The following AKT1 variants were observed in gnomAD, a reference collection of about 807,000 sequenced individuals.
The protein encoded by AKT1 is RAC-alpha serine/threonine-protein kinase.
A neutral mutation model predicts 63.1 loss-of-function variants in AKT1; 21 were observed. The ratio of observed to expected loss-of-function variants is 0.33; its 90% CI spans 0.24 to 0.48. The LOEUF (loss-of-function observed/expected upper bound fraction) is 0.48. Among genes scored for constraint, AKT1 ranks in the 20% least tolerant of loss-of-function variants. The pLI, the probability that AKT1 is intolerant of heterozygous loss-of-function variation, is 0.99. For synonymous variants in AKT1, 257 were observed against 253.1 expected (o/e 1.02, Z -0.15); for missense variants, 382 against 666.0 (o/e 0.57, Z 4.69).
In AKT1 at chr14:104,788,899, G is replaced by A. The variant is rs147419902; in HGVS notation, c.46+3699C>T. 5.2e-3 allele frequency among the ~76,000 whole-genome samples: 796 copies of A among 152,298 alleles called. 1 individual carries two copies. The highest frequency in any genetic ancestry group is 0.024 in the Middle Eastern group (7 of 294). Reference sequence around the variant, plus strand: ...GGGCATGGCAAGGACTCAGATGTCCGGAGACTGGACCCTCCGTGAGCCGCA... The same window carrying A: ...GGGCATGGCAAGGACTCAGATGTCCAGAGACTGGACCCTCCGTGAGCCGCA... On this transcript the variant is annotated intron_variant, in intron 3 of 14. Coordinates refer to ENST00000649815, the MANE Select transcript of AKT1 (RefSeq NM_001382430.1).
At position 104,773,388 on chromosome 14, in the gene AKT1, A is replaced by T. The variant is rs1892508128; in HGVS notation, c.829-9T>A. ...AGCATGAGGTTCTCCAGCTAGGGGA[A>T]AGGTGGCCTCAGGTCAGTGCCGCCA... On this transcript the variant is annotated splice_polypyrimidine_tract_variant and intron_variant, in intron 10 of 14. Transcript: ENST00000649815. 1.2e-6 allele frequency: 2 copies of T among 1,614,134 alleles called. No individual in the cohort carries two copies.
intron 3 of AKT1, among the ~76,000 whole-genome samples, chr14:104,781,987 G>T (rs979150705): frequency 1.3e-5 from 2 of 152,312 alleles, no homozygotes; most frequent in African/African-American, 4.8e-5. Context: ...CCACCCTTGG[G>T]TGCCGGCTCC....
At chr14:104,775,510 G>A (rs532397613) in intron 6 of AKT1, 142 bp downstream of exon 6, 59 of 1,239,552 alleles carry the variant, frequency 4.8e-5, no homozygotes, top group South Asian at 4.4e-4. Context: ...AAGCAGCTGC[G>A]CCCTACATGG....
At chr14:104,787,107 G>A (rs1164934094) in intron 3 of AKT1, among the ~76,000 whole-genome samples, 1 of 152,104 alleles carries the variant, frequency 6.6e-6, no homozygotes. Context: ...CCACCCCAAA[G>A]CCCGCAACAT....
intron 3 of AKT1, among the ~76,000 whole-genome samples, chr14:104,788,471 G>C (rs1479288589): frequency 6.6e-6 from 1 of 152,192 alleles, no homozygotes; most frequent in Non-Finnish European, 1.5e-5. Flanking sequence ...CTCTTCTCAA[G>C]GGTGTTTACT....
At position 104,795,152 on chromosome 14, in the gene AKT1, C is replaced by G. The variant is rs1378346344; in HGVS notation, c.-258+332G>C. ...CCAGCGCCCGGGGAGCCCCACGGCC[C>G]GCAGGGGCACCCCGAGCCCCAGCTC... On this transcript the variant is annotated intron_variant, in intron 1 of 14. Coordinates refer to ENST00000649815, the MANE Select transcript of AKT1 (RefSeq NM_001382430.1). This position sits in a 1 kb window ranked among gnomAD's most constrained non-coding sequence, Gnocchi z 5.1. 6.6e-6 allele frequency: 1 copy of G among 152,094 alleles called. No individual in the cohort carries two copies. Among genetic ancestry groups the G allele is most frequent in the Non-Finnish European group, 1.5e-5 (1 of 67,998 alleles). The allele number at this position is 152,094 out of a possible 1,614,324, so 9.4% of individuals were successfully genotyped here.
chr14:104,777,320 C>A (rs377254104), intron 4 of AKT1: 1 of 153,260 alleles, frequency 6.5e-6, no homozygotes, highest in Non-Finnish European at 1.2e-5. Flanking sequence ...TGGGGCACAG[C>A]CACACCTGGG....
intron 4 of AKT1, chr14:104,777,889 T>A: frequency 5.7e-6 from 1 of 176,306 alleles, no homozygotes; most frequent in Non-Finnish European, 1.1e-5. Flanking sequence ...TGGAAACCGG[T>A]GTGAAGCCCC....
At position 104,795,333 on chromosome 14, in the gene AKT1, C is replaced by G. The variant is rs1394843048; in HGVS notation, c.-258+151G>C. On this transcript the variant is annotated intron_variant, in intron 1 of 14. Transcript: ENST00000649815. The surrounding 1 kb of genome is among the most constrained non-coding windows in gnomAD (Gnocchi z 5.1). ...CGGGCCCGCGCGCCCCGCGCCCTCC[C>G]CGCCCAGGCCCGCTCGGCCACTTCC... 1.3e-5 allele frequency among the ~76,000 whole-genome samples: 2 copies of G among 149,690 alleles called. No homozygotes were observed. Among genetic ancestry groups the G allele is most frequent in the African/African-American group, 4.9e-5 (2 of 41,136 alleles).
At position 104,775,298 on chromosome 14, in the gene AKT1, G is replaced by A. The variant is rs376999155; in HGVS notation, c.436-91C>T. The A allele has an allele frequency of 3.1e-5, 49 of 1,582,386 alleles. No homozygotes were observed. In the Admixed American group the frequency reaches 3.6e-4, roughly 12 times the overall value. On this transcript the variant is annotated intron_variant, in intron 6 of 14. Coordinates refer to ENST00000649815, the MANE Select transcript of AKT1 (RefSeq NM_001382430.1). ...GGGTGGCATGAGGGGCCCCAGAGTCGGAGGCAGAGCCAGGAGAGGCGTCCA... is the reference window on the plus strand; with the variant it reads ...GGGTGGCATGAGGGGCCCCAGAGTCAGAGGCAGAGCCAGGAGAGGCGTCCA...
At position 104,789,089 on chromosome 14, in the gene AKT1, C is replaced by G. The variant is rs61759767; in HGVS notation, c.46+3509G>C. Among the ~76,000 whole-genome samples, 352 of 152,344 alleles carry G rather than the reference C, an allele frequency of 2.3e-3. 1 individual carries two copies. The highest frequency in any genetic ancestry group is 8.1e-3 in the African/African-American group (336 of 41,580). ...CTTGGCCTGCTGGGTCACAGCCTGC[C>G]GAAGGCAGCCAGGCCTGCAGCTCTT... On this transcript the variant is annotated intron_variant, in intron 3 of 14. Coordinates refer to ENST00000649815, the MANE Select transcript of AKT1 (RefSeq NM_001382430.1).
Position 104,775,636 on chromosome 14 carries a change from T to C in AKT1, c.435+16A>G, listed in dbSNP as rs751737147. The C allele has an allele frequency of 1.9e-6, 3 of 1,612,676 alleles. No homozygotes were observed. Among genetic ancestry groups the C allele is most frequent in the Non-Finnish European group, 2.5e-6 (3 of 1,179,386 alleles). The stretch of plus-strand genomic sequence containing the variant: ...AGGCAGCCCCAGGCACAGGCAGAAG[T>C]GGGGACAGGCCTCACCACGCGGTGC... On this transcript the variant is annotated intron_variant, in intron 6 of 14. Transcript: ENST00000649815.
chr14:104,782,635 T>G (rs1893122487), intron 3 of AKT1, among the ~76,000 whole-genome samples: 1 of 152,010 alleles, frequency 6.6e-6, no homozygotes, highest in Non-Finnish European at 1.5e-5. Flanking sequence ...GAGGCCCAAA[T>G]GGGCCCTGGG....
At chr14:104,786,057 G>A (rs1214972936) in intron 3 of AKT1, among the ~76,000 whole-genome samples, 1 of 151,808 alleles carries the variant, frequency 6.6e-6, no homozygotes, top group African/African-American at 2.4e-5. Context: ...CCCATCCATC[G>A]CAGAGCCCAG....
intron 3 of AKT1, among the ~76,000 whole-genome samples, chr14:104,784,140 G>A (rs1191884558): frequency 6.6e-6 from 1 of 152,316 alleles, no homozygotes; most frequent in East Asian, 1.9e-4. Flanking sequence ...TGGGCAGTGG[G>A]AGGCAGCAGC....
Position 104,775,193 on chromosome 14 carries a change from A to G in AKT1, c.450T>C (p.Phe150=). The change falls in exon 7 of 15, where the codon TTT becomes TTC. Residue 150 remains phenylalanine, a synonymous_variant. Transcript: ENST00000649815. ...CCTTGCCCAGCAGCTTCAGGTACTC[A>G]AACTCGTTCATGGTCTATGGGCAGG... The part of the protein sequence containing the change: ...KPKHRVTMNE[F]EYLKLLGKGT... 1 of 1,613,864 alleles carries G rather than the reference A, an allele frequency of 6.2e-7. No homozygotes were observed. Among genetic ancestry groups the G allele is most frequent in the Non-Finnish European group, 8.5e-7 (1 of 1,179,976 alleles).
At chr14:104,776,873 A>C in intron 4 of AKT1, 103 bp from the exon 5 acceptor site, 2 of 918,216 alleles carry the variant, frequency 2.2e-6, no homozygotes, top group East Asian at 5.3e-5. Context: ...CATACCACCC[A>C]CCAGGTCCTG....
intron 3 of AKT1, among the ~76,000 whole-genome samples, chr14:104,791,253 T>A (rs1488126225): frequency 2.0e-5 from 3 of 150,684 alleles, no homozygotes; most frequent in Non-Finnish European, 4.4e-5. Context: ...AGGGCCAGGG[T>A]CGGGGCAGGG....
At chr14:104,772,742 A>G in intron 12 of AKT1, 136 bp downstream of exon 12, 1 of 1,044,036 alleles carries the variant, frequency 9.6e-7, no homozygotes, top group South Asian at 1.6e-5. Context: ...TTTGGAGATC[A>G]GCCCTGGCCA....
Sources: gnomAD v4.1 joint callset for allele counts (sites outside exome capture counted in the v4.1 genomes callset) on GRCh38, gnomAD v4.1.1 for gene constraint, Gnocchi (gnomAD v3.1) non-coding constraint, MANE v1.5 for transcripts, NCBI Gene and HGNC (gene_info 2026-07-23, HGNC 2026-07-21) for gene names.